The following PTPRD variants were observed in gnomAD, a reference collection of about 807,000 sequenced individuals.
PTPRD encodes protein tyrosine phosphatase receptor type D.
In PTPRD, 34 loss-of-function variants were observed where a neutral mutation model predicts 214.5. The observed-to-expected ratio is 0.16, with a 90% CI of 0.12 to 0.21. The LOEUF (loss-of-function observed/expected upper bound fraction) is 0.21. PTPRD is among the 10% of genes least tolerant of loss of function. The probability of loss-of-function intolerance (pLI) is 1.00; values close to 1 mark genes in which losing one functional copy is unlikely to be tolerated. For synonymous variants in PTPRD, 1,128 were observed against 845.7 expected (o/e 1.33, Z -5.79); for missense variants, 2,545 against 2,398.7 (o/e 1.06, Z -1.27).
chr9:9,210,564 A>G, intron 9 of PTPRD, among the ~76,000 whole-genome samples: 1 of 152,104 alleles, frequency 6.6e-6, no homozygotes, highest in East Asian at 1.9e-4. Context: ...CTTTTGAATC[A>G]TATTTAAAAC....
intron 4 of PTPRD, among the ~76,000 whole-genome samples, chr9:10,027,912 C>T (rs2096960237): frequency 6.6e-6 from 1 of 152,076 alleles, no homozygotes; most frequent in Non-Finnish European, 1.5e-5. Context: ...TTTGTTTCCA[C>T]TGATGAATTT....
chr9:9,155,248 T>C (rs1343208109), intron 10 of PTPRD, among the ~76,000 whole-genome samples: 1 of 152,314 alleles, frequency 6.6e-6, no homozygotes. Flanking sequence ...CTAGATTTTT[T>C]AAATTAAAAT....
rs144042937 is a variant in PTPRD, at chr9:9,896,622, C to T, written c.-368+41885G>A. Among the ~76,000 whole-genome samples the T allele has an allele frequency of 4.1e-3, 623 of 152,046 alleles. 4 individuals are homozygous for T. Among genetic ancestry groups the T allele is most frequent in the Middle Eastern group, 0.017 (5 of 292 alleles). ...TTTTTTACAAAAGAATATCCTCCAA[C>T]GAATTAGATCCGAGGAATTCATATT... On this transcript the variant is annotated intron_variant, in intron 5 of 45. Transcript: ENST00000381196.
At chr9:10,345,985 G>A (rs1438040162) in intron 2 of PTPRD, among the ~76,000 whole-genome samples, 4 of 152,236 alleles carry the variant, frequency 2.6e-5, no homozygotes, top group African/African-American at 4.8e-5. Context: ...TTTCATTGCG[G>A]TTTTGATTTG....
chr9:9,085,803 C>T (rs1045751861), intron 10 of PTPRD, among the ~76,000 whole-genome samples: 42 of 152,150 alleles, frequency 2.8e-4, no homozygotes, highest in African/African-American at 9.9e-4. Flanking sequence ...ATATTGTGTA[C>T]TACCAGACCT....
intron 11 of PTPRD, among the ~76,000 whole-genome samples, chr9:8,773,478 G>A (rs1175287782): frequency 6.6e-6 from 1 of 152,088 alleles, no homozygotes; most frequent in Non-Finnish European, 1.5e-5. Flanking sequence ...TGTACTTCAG[G>A]ACCTGAAGTC....
At chr9:8,514,417 TAG>T (rs2097745446) in intron 21 of PTPRD, among the ~76,000 whole-genome samples, 1 of 152,188 alleles carries the variant, frequency 6.6e-6, no homozygotes, top group African/African-American at 2.4e-5. Flanking sequence ...TTATAAAACT[TAG>T]AGCCAAATTT....
intron 3 of PTPRD, among the ~76,000 whole-genome samples, chr9:10,172,947 A>G (rs539626182): frequency 6.8e-6 from 1 of 147,250 alleles, no homozygotes; most frequent in East Asian, 2.0e-4. Context: ...AATAAAACTA[A>G]TAGTGAAAAG....
chr9:10,250,340 A>T (rs549369742), intron 3 of PTPRD, among the ~76,000 whole-genome samples: 3 of 152,118 alleles, frequency 2.0e-5, no homozygotes, highest in East Asian at 1.9e-4. Context: ...AATTAACCAC[A>T]ATAATTTTAT....
At position 9,470,450 on chromosome 9, in the gene PTPRD, A is replaced by G. The variant is rs16929552; in HGVS notation, c.-236-72968T>C. Among the ~76,000 whole-genome samples the G allele has an allele frequency of 1.7e-3, 261 of 152,318 alleles. 2 individuals carry two copies. The highest frequency in any genetic ancestry group is 0.013 in the Admixed American group (195 of 15,300). ...TATTGTTATTTAGCAGAAACTTTGA[A>G]TTCTTTAAATGCCTTAAATACAAAG... On this transcript the variant is annotated intron_variant, in intron 8 of 45. Transcript: ENST00000381196.
chr9:9,568,180 A>G (rs760951001), intron 8 of PTPRD, among the ~76,000 whole-genome samples: 1 of 151,920 alleles, frequency 6.6e-6, no homozygotes, highest in Non-Finnish European at 1.5e-5. Flanking sequence ...TAAGCAAGTT[A>G]GTTTCCTGTT....
chr9:10,470,199 T>G (rs1237869217), intron 2 of PTPRD, among the ~76,000 whole-genome samples: 1 of 152,140 alleles, frequency 6.6e-6, no homozygotes, highest in Non-Finnish European at 1.5e-5. Flanking sequence ...TTAAACATTA[T>G]ATGTTTGTAT....
chr9:10,559,366 A>G (rs1000799198), intron 2 of PTPRD, among the ~76,000 whole-genome samples: 2 of 152,168 alleles, frequency 1.3e-5, no homozygotes, highest in African/African-American at 4.8e-5. Flanking sequence ...TTTAACTAAA[A>G]TTAAAATTTC....
intron 6 of PTPRD, among the ~76,000 whole-genome samples, chr9:9,735,210 G>T (rs976946348): frequency 2.0e-5 from 3 of 152,098 alleles, no homozygotes; most frequent in Non-Finnish European, 4.4e-5. Flanking sequence ...GGATGCAAAG[G>T]TTTTATAAAT....
Position 10,543,473 on chromosome 9 carries a change from T to TACACACACACAC in PTPRD, c.-600+68924_-600+68925insGTGTGTGTGTGT, listed in dbSNP as rs1462198412. ...CTACCAGTTTGAAGAGTTTAATATA[T>TACACACACACAC]ATATATACACACACACACACACACA... is the stretch of plus-strand genomic sequence containing the variant. On this transcript the variant is annotated intron_variant, in intron 2 of 45. Transcript: ENST00000381196. Among the ~76,000 whole-genome samples, 269 of 54,378 alleles carry TACACACACACAC rather than the reference T, an allele frequency of 4.9e-3. 1 individual carries two copies. Among genetic ancestry groups the TACACACACACAC allele is most frequent in the African/African-American group, 0.013 (253 of 19,598 alleles). 35.7% of individuals were successfully genotyped at this position (54,378 alleles called of 152,430 possible).
At chr9:10,042,090 G>A (rs1040580009) in intron 3 of PTPRD, among the ~76,000 whole-genome samples, 1 of 152,084 alleles carries the variant, frequency 6.6e-6, no homozygotes, top group African/African-American at 2.4e-5. Flanking sequence ...CACAGCAGCA[G>A]AGGTAGCAAA....
chr9:10,360,284 T>C (rs576611948), intron 2 of PTPRD, among the ~76,000 whole-genome samples: 8 of 152,348 alleles, frequency 5.3e-5, no homozygotes, highest in African/African-American at 1.7e-4. Context: ...ACAATGTTAT[T>C]GGACTTTAAT....
At chr9:10,389,979 A>G (rs2154490320) in intron 2 of PTPRD, among the ~76,000 whole-genome samples, 1 of 151,934 alleles carries the variant, frequency 6.6e-6, no homozygotes, top group East Asian at 2.0e-4. Flanking sequence ...TTTTACAGTC[A>G]ATGCACAGCT....
chr9:9,156,659 C>CATAAAA (rs1169002060), intron 10 of PTPRD, among the ~76,000 whole-genome samples: 1 of 152,068 alleles, frequency 6.6e-6, no homozygotes, highest in Non-Finnish European at 1.5e-5. Context: ...TTTTTGCTCA[C>CATAAAA]ATCAAAATCA....
Sources: allele counts gnomAD v4.1 joint callset (sites outside exome capture counted in the v4.1 genomes callset), GRCh38; gene constraint gnomAD v4.1.1; transcripts MANE v1.5; gene names NCBI Gene and HGNC (gene_info 2026-07-23, HGNC 2026-07-21).